The following BARD1 variants were observed in gnomAD, a reference collection of about 807,000 sequenced individuals.
BARD1 encodes BRCA1 associated RING domain 1, also known as BRCA1-associated RING domain protein 1.
Under a neutral mutation model 77.0 loss-of-function variants are expected in BARD1, and 73 were observed. The observed-to-expected ratio is 0.95, with a 90% confidence interval of 0.79 to 1.15. The LOEUF (loss-of-function observed/expected upper bound fraction) is 1.15. Among genes scored for constraint, BARD1 ranks in the 50% most tolerant of loss-of-function variants. The pLI is 0.00. For synonymous variants in BARD1, 384 were observed against 338.0 expected, an observed-to-expected ratio of 1.14 and a Z score of -1.49; for missense variants, 993 against 938.8, an observed-to-expected ratio of 1.06 and a Z score of -0.75.
At position 214,797,131 on chromosome 2, in the gene BARD1, T is replaced by A. The variant is rs2106145847; in HGVS notation, c.159-14A>T. ...AGAATGTTAGTACTGTTTGAAGAAATTAAAACAATCAAGATTTGAGTCATT... is the reference window on the plus strand; with the variant it reads ...AGAATGTTAGTACTGTTTGAAGAAAATAAAACAATCAAGATTTGAGTCATT... On this transcript the variant is annotated splice_polypyrimidine_tract_variant and intron_variant, in intron 1 of 10. Transcript: ENST00000260947. The A allele has an allele frequency of 6.2e-7, 1 of 1,608,738 alleles. No homozygotes were observed. Among genetic ancestry groups the A allele is most frequent in the Non-Finnish European group, 8.5e-7 (1 of 1,175,340 alleles).
At chr2:214,761,026 G>A (rs1271904442) in intron 6 of BARD1, among the ~76,000 whole-genome samples, 8 of 150,954 alleles carry the variant, frequency 5.3e-5, no homozygotes, top group Non-Finnish European at 8.8e-5. Context: ...CACCCGCCTT[G>A]GCTTCTCAAT....
At position 214,728,928 on chromosome 2, in the gene BARD1, G is replaced by A. The variant is rs139620052; in HGVS notation, c.2082C>T (p.Leu694=). 122 of 1,614,052 alleles carry A rather than the reference G, an allele frequency of 7.6e-5. No individual in the cohort carries two copies. The highest frequency in any genetic ancestry group is 5.3e-5 in the African/African-American group (4 of 74,918). The change falls in exon 11 of 11, where the codon CTC becomes CTT. Residue 694 remains leucine (L), a synonymous_variant. Coordinates refer to ENST00000260947, the MANE Select transcript of BARD1 (RefSeq NM_000465.4). The part of the protein sequence containing the change: ...KHHPKDNLIK[L]VTAGGGQILS... Reference sequence around the variant, plus strand: ...GGATCTGGCCCCCACCTGCAGTGACGAGCTTAATAAGGTTGTCCTTTGGAT... The same window carrying A: ...GGATCTGGCCCCCACCTGCAGTGACAAGCTTAATAAGGTTGTCCTTTGGAT...
chr2:214,794,737 A>T (rs1695683145), intron 2 of BARD1, among the ~76,000 whole-genome samples: 1 of 152,172 alleles, frequency 6.6e-6, no homozygotes, highest in Non-Finnish European at 1.5e-5. Flanking sequence ...TACCTTTATC[A>T]GTTGAACTGA....
intron 7 of BARD1, 136 bp from the exon 8 acceptor site, chr2:214,745,990 A>G: frequency 9.5e-7 from 1 of 1,057,652 alleles, no homozygotes; most frequent in East Asian, 2.5e-5. Context: ...TTTCCATTGA[A>G]TCTACACCCA....
chr2:214,791,866 A>T (rs549269382), intron 3 of BARD1, among the ~76,000 whole-genome samples: 13 of 152,156 alleles, frequency 8.5e-5, no homozygotes, highest in Non-Finnish European at 1.5e-4. Context: ...AAGTTCCTGG[A>T]TTTACAGTCA....
At chr2:214,748,741 C>A (rs1286558368) in intron 7 of BARD1, among the ~76,000 whole-genome samples, 16 of 151,936 alleles carry the variant, frequency 1.1e-4, no homozygotes, top group Admixed American at 1.0e-3. Flanking sequence ...AAGCAGTGAG[C>A]TGCTTCCCTA....
At chr2:214,730,299 A>C (rs1692291522) in intron 10 of BARD1, 112 bp downstream of exon 10, 2 of 901,514 alleles carry the variant, frequency 2.2e-6, no homozygotes, top group Non-Finnish European at 3.6e-6. Context: ...AAGCACAATT[A>C]AAATTTTAAT....
At chr2:214,776,333 T>C (rs1365641182) in intron 4 of BARD1, among the ~76,000 whole-genome samples, 1 of 152,158 alleles carries the variant, frequency 6.6e-6, no homozygotes, top group Non-Finnish European at 1.5e-5. Context: ...AGTATTTTGT[T>C]TTCTATTGGG....
intron 1 of BARD1, among the ~76,000 whole-genome samples, chr2:214,799,138 TA>T (rs1288008458): frequency 2.0e-5 from 3 of 151,670 alleles, no homozygotes; most frequent in Non-Finnish European, 4.4e-5. Flanking sequence ...AATAAAATTT[TA>T]AAAATATAAA....
At chr2:214,765,011 T>TACTTCCCA in intron 6 of BARD1, among the ~76,000 whole-genome samples, 1 of 152,300 alleles carries the variant, frequency 6.6e-6, no homozygotes, top group South Asian at 2.1e-4. Context: ...AAATAAACCC[T>TACTTCCCA]ACTTCCCAAC....
At chr2:214,783,636 G>T (rs1351276414) in intron 3 of BARD1, among the ~76,000 whole-genome samples, 1 of 151,974 alleles carries the variant, frequency 6.6e-6, no homozygotes, top group African/African-American at 2.4e-5. Context: ...CCTAGAAGAC[G>T]GGTTGATAGG....
chr2:214,760,126 G>A (rs1487810627), intron 6 of BARD1, among the ~76,000 whole-genome samples: 1 of 152,138 alleles, frequency 6.6e-6, no homozygotes, highest in African/African-American at 2.4e-5. Context: ...TGTCACTACT[G>A]AAAAGGTACT....
At chr2:214,806,227 A>G (rs572119407) in intron 1 of BARD1, among the ~76,000 whole-genome samples, 1 of 152,326 alleles carries the variant, frequency 6.6e-6, no homozygotes, top group African/African-American at 2.4e-5. Context: ...GCTTGCTGCA[A>G]AACAGATCCA....
At chr2:214,762,727 T>C (rs903362597) in intron 6 of BARD1, among the ~76,000 whole-genome samples, 1 of 152,198 alleles carries the variant, frequency 6.6e-6, no homozygotes, top group Admixed American at 6.5e-5. Context: ...CTGTATATAC[T>C]TACCAATTTC....
chr2:214,793,069 G>A (rs1318861018), intron 2 of BARD1, among the ~76,000 whole-genome samples: 1 of 152,074 alleles, frequency 6.6e-6, no homozygotes, highest in African/African-American at 2.4e-5. Context: ...CCCCCCACAA[G>A]CCCATCTGTG....
intron 3 of BARD1, among the ~76,000 whole-genome samples, chr2:214,789,258 A>G (rs1435165267): frequency 1.3e-5 from 2 of 151,990 alleles, no homozygotes; most frequent in Non-Finnish European, 2.9e-5. Context: ...GTCAGGCACA[A>G]TTAGCTCATG....
At chr2:214,799,640 T>C (rs895982630) in intron 1 of BARD1, among the ~76,000 whole-genome samples, 2 of 152,184 alleles carry the variant, frequency 1.3e-5, no homozygotes, top group African/African-American at 4.8e-5. Context: ...AAGCACTAGA[T>C]ATTCATAATA....
At position 214,726,482 on chromosome 2, in the gene BARD1, C is replaced by A. The variant is rs1296776968; in HGVS notation, c.*2194G>T. 1 of 216,524 alleles carries A rather than the reference C, an allele frequency of 4.6e-6. No homozygotes were observed. Among genetic ancestry groups the A allele is most frequent in the Non-Finnish European group, 9.3e-6 (1 of 107,748 alleles). The allele number at this position is 216,524 out of a possible 1,614,324, so 13.4% of individuals were successfully genotyped here. A position where few individuals can be genotyped will look rare whatever the true frequency, so the allele number is the denominator to read the frequency against. ...ATCTAAGGTAATAAAGTATCTAGTA[C>A]ACTTTAGAAATATTTTTATTCAAAA... On this transcript the variant is annotated 3_prime_UTR_variant, in exon 11 of 11. Transcript: ENST00000260947.
At chr2:214,741,360 G>A (rs1452620856) in intron 9 of BARD1, among the ~76,000 whole-genome samples, 1 of 151,834 alleles carries the variant, frequency 6.6e-6, no homozygotes, top group Non-Finnish European at 1.5e-5. Flanking sequence ...ATTTATTTTA[G>A]AAAAAAAGGC....
Sources: gnomAD v4.1 joint callset for allele counts (sites outside exome capture counted in the v4.1 genomes callset) on GRCh38, gnomAD v4.1.1 for gene constraint, MANE v1.5 for transcripts, NCBI Gene and HGNC (gene_info 2026-07-23, HGNC 2026-07-21) for gene names.